BABAM2: variants seen among roughly 807,000 people sequenced by gnomAD.
BABAM2 encodes BRISC and BRCA1-A complex member 2.
BABAM2 carries 31 observed loss-of-function variants against 54.7 expected under a neutral mutation model. The ratio of observed to expected loss-of-function variants is 0.57; its 90% confidence interval spans 0.43 to 0.77. BABAM2 has a LOEUF of 0.77. Among genes scored for constraint, BABAM2 ranks in the 30% least tolerant of loss-of-function variants. The probability of loss-of-function intolerance (pLI) is 0.00; values close to 1 mark genes in which losing one functional copy is unlikely to be tolerated. For missense variants in BABAM2, 364 were observed against 455.8 expected (o/e 0.80, Z 1.83); for synonymous variants, 167 against 162.9 (o/e 1.03, Z -0.19).
At chr2:28,044,618 G>A (rs889049416) in intron 5 of BABAM2, among the ~76,000 whole-genome samples, 4 of 152,166 alleles carry the variant, frequency 2.6e-5, no homozygotes, top group African/African-American at 4.8e-5. Flanking sequence ...CTATGCATGT[G>A]TGCCTAGGTG....
chr2:28,024,099 G>A (rs1465950268), intron 4 of BABAM2, among the ~76,000 whole-genome samples: 3 of 152,042 alleles, frequency 2.0e-5, no homozygotes, highest in Admixed American at 6.6e-5. Flanking sequence ...AAAAAACAAC[G>A]ACAGTTCACT....
chr2:27,992,096 G>A (rs908743105), intron 4 of BABAM2, among the ~76,000 whole-genome samples: 7 of 152,084 alleles, frequency 4.6e-5, no homozygotes, highest in Admixed American at 2.0e-4. Flanking sequence ...AAGTGGTATC[G>A]CACTGTAGTT....
intron 5 of BABAM2, among the ~76,000 whole-genome samples, chr2:28,026,916 TAA>T (rs1491245295): frequency 2.0e-4 from 7 of 34,706 alleles, no homozygotes; most frequent in South Asian, 1.1e-3. Context: ...AAATATATAT[TAA>T]TATATATAAA....
chr2:27,931,604 A>T (rs550255343), intron 3 of BABAM2, among the ~76,000 whole-genome samples: 1 of 152,084 alleles, frequency 6.6e-6, no homozygotes, highest in African/African-American at 2.4e-5. Flanking sequence ...TAGCTTAAAA[A>T]TTTTTACTTA....
intron 7 of BABAM2, among the ~76,000 whole-genome samples, chr2:28,196,836 CTTT>C (rs759950166): frequency 2.0e-4 from 8 of 40,248 alleles, no homozygotes; most frequent in African/African-American, 2.9e-4. Flanking sequence ...GAGACCCTGT[CTTT>C]TTTTTTTTTT....
intron 7 of BABAM2, among the ~76,000 whole-genome samples, chr2:28,153,930 G>A (rs1186858185): frequency 6.6e-6 from 1 of 152,162 alleles, no homozygotes; most frequent in Non-Finnish European, 1.5e-5. Flanking sequence ...AATACCCTTA[G>A]GGGAAAGAGT....
At chr2:28,010,267 T>C (rs977444908) in intron 4 of BABAM2, among the ~76,000 whole-genome samples, 23 of 152,128 alleles carry the variant, frequency 1.5e-4, no homozygotes. Flanking sequence ...CATTTTAACT[T>C]AAATTTACTG....
chr2:28,018,079 G>T (rs758927834), intron 4 of BABAM2, among the ~76,000 whole-genome samples: 1 of 152,100 alleles, frequency 6.6e-6, no homozygotes, highest in Non-Finnish European at 1.5e-5. Flanking sequence ...TCTGAGATTG[G>T]TACATCCATC....
chr2:28,060,123 G>C (rs1678742886), intron 6 of BABAM2, among the ~76,000 whole-genome samples: 1 of 152,078 alleles, frequency 6.6e-6, no homozygotes, highest in Non-Finnish European at 1.5e-5. Flanking sequence ...AAACTCAAAA[G>C]AATGATACAT....
At chr2:28,138,236 A>G (rs1178911370) in intron 7 of BABAM2, among the ~76,000 whole-genome samples, 1 of 152,228 alleles carries the variant, frequency 6.6e-6, no homozygotes, top group African/African-American at 2.4e-5. Context: ...CCCAGAACTG[A>G]TGGAAGATAT....
intron 6 of BABAM2, among the ~76,000 whole-genome samples, chr2:28,097,706 A>G (rs770047933): frequency 6.6e-6 from 1 of 152,014 alleles, no homozygotes; most frequent in Middle Eastern, 3.2e-3. Context: ...CTTTTTTGGC[A>G]GTTATAAAGT....
intron 6 of BABAM2, among the ~76,000 whole-genome samples, chr2:28,063,418 T>G (rs1264076499): frequency 6.6e-6 from 1 of 152,230 alleles, no homozygotes; most frequent in African/African-American, 2.4e-5. Flanking sequence ...TTTCAACATA[T>G]AATCAAAATA....
chr2:28,256,779 C>G (rs1338859210), intron 10 of BABAM2, among the ~76,000 whole-genome samples: 1 of 148,772 alleles, frequency 6.7e-6, no homozygotes, highest in Non-Finnish European at 1.5e-5. Flanking sequence ...ACTGCAGCCT[C>G]TGTCTCCTGG....
chr2:28,093,627 T>G (rs1666350121), intron 6 of BABAM2, among the ~76,000 whole-genome samples: 1 of 152,198 alleles, frequency 6.6e-6, no homozygotes, highest in Non-Finnish European at 1.5e-5. Flanking sequence ...TCTTGGTTCC[T>G]TTACAACTTT....
chr2:28,038,892 A>G (rs1236952798), intron 5 of BABAM2, among the ~76,000 whole-genome samples: 1 of 152,206 alleles, frequency 6.6e-6, no homozygotes, highest in Admixed American at 6.5e-5. Context: ...TCCTTTGGGT[A>G]TGTACCCAGT....
intron 7 of BABAM2, among the ~76,000 whole-genome samples, chr2:28,159,875 C>T (rs2147806889): frequency 6.6e-6 from 1 of 150,760 alleles, no homozygotes; most frequent in Non-Finnish European, 1.5e-5. Flanking sequence ...AACTCCATCC[C>T]CGCCGGGAAA....
At chr2:28,020,297 A>C (rs745569703) in intron 4 of BABAM2, among the ~76,000 whole-genome samples, 3 of 152,332 alleles carry the variant, frequency 2.0e-5, no homozygotes, top group Admixed American at 6.5e-5. Flanking sequence ...AAATATGTGA[A>C]GTGTGAAATA....
intron 10 of BABAM2, among the ~76,000 whole-genome samples, chr2:28,267,868 A>G (rs569662005): frequency 9.2e-5 from 14 of 152,378 alleles, no homozygotes; most frequent in African/African-American, 3.1e-4. Flanking sequence ...CACATGTTCA[A>G]GAATAATCAT....
At chr2:28,117,839 AG>A (rs1238140980) in intron 6 of BABAM2, among the ~76,000 whole-genome samples, 2 of 152,162 alleles carry the variant, frequency 1.3e-5, no homozygotes, top group Non-Finnish European at 2.9e-5. Flanking sequence ...AGAGGGTATC[AG>A]GCAAGCAATA....
Sources: allele counts gnomAD v4.1 joint callset (sites outside exome capture counted in the v4.1 genomes callset), GRCh38; gene constraint gnomAD v4.1.1; transcripts MANE v1.5; gene names NCBI Gene and HGNC (gene_info 2026-07-23, HGNC 2026-07-21).